The following PDE9A variants were observed in gnomAD, a reference collection of about 807,000 sequenced individuals.
The protein encoded by PDE9A is phosphodiesterase 9A.
Under a neutral mutation model 87.4 loss-of-function variants are expected in PDE9A, and 60 were observed. That is an observed-to-expected ratio of 0.69 (90% CI 0.56 to 0.85). The LOEUF (loss-of-function observed/expected upper bound fraction) is 0.85. Among genes scored for constraint, PDE9A ranks in the 40% least tolerant of loss-of-function variants. The pLI is 0.00. For synonymous variants in PDE9A, 272 were observed against 279.4 expected (o/e 0.97, Z 0.27); for missense variants, 665 against 779.0 (o/e 0.85, Z 1.74).
rs573599045 is a variant in PDE9A, at chr21:42,742,591, G to A, written c.569-1185G>A. Among the ~76,000 whole-genome samples the A allele has an allele frequency of 2.0e-5, 3 of 147,264 alleles. No individual in the cohort carries two copies. The South Asian group carries it at 6.6e-4, about 32-fold the overall frequency. On this transcript the variant is annotated intron_variant, in intron 7 of 19. Transcript: ENST00000291539. The stretch of plus-strand genomic sequence containing the variant: ...AGCTATTCTCCTGCCTCAGCCTCCC[G>A]AGTAGCTGGGACTACAGGCACTGGC...
chr21:42,706,020 C>T (rs8130322), intron 4 of PDE9A, among the ~76,000 whole-genome samples: 39,533 of 152,176 alleles, frequency 0.26, 5,508 homozygotes, highest in East Asian at 0.51. Flanking sequence ...CCGCAGAGTG[C>T]GTGCTTGAGC....
chr21:42,694,987 TC>T lies in PDE9A; in HGVS notation c.219-3977del, dbSNP rs2060063909. ...CCTCTGCACACTGCCAATCTTCCTG[TC>T]CCCGCCCCAAATCCAAAGGCCCCTC... On this transcript the variant is annotated intron_variant, in intron 3 of 19. Coordinates refer to ENST00000291539, the MANE Select transcript of PDE9A (RefSeq NM_002606.3). This position sits in a 1 kb window ranked among gnomAD's most constrained non-coding sequence, Gnocchi z 5.3. Among the ~76,000 whole-genome samples the T allele has an allele frequency of 6.6e-6, 1 of 152,044 alleles. No individual in the cohort carries two copies. Among genetic ancestry groups the T allele is most frequent in the Admixed American group, 6.5e-5 (1 of 15,276 alleles).
chr21:42,687,974 C>A lies in PDE9A; in HGVS notation c.198C>A (p.Thr66=). 2 of 1,613,108 alleles carry A rather than the reference C, an allele frequency of 1.2e-6. No homozygotes were observed. Among genetic ancestry groups the A allele is most frequent in the South Asian group, 1.1e-5 (1 of 91,084 alleles). Residue 66 remains threonine, a synonymous_variant, in exon 3 of 20, where the codon ACC becomes ACA. Transcript: ENST00000291539. ...TDDAMVSIDP[T]MPANSERTPY... is the part of the protein sequence containing the mutation. ...ACGCCATGGTCTCCATCGACCCCAC[C>A]ATGCCCGCGAATTCAGAACGGTAAG... is the stretch of plus-strand genomic sequence containing the variant.
intron 15 of PDE9A, among the ~76,000 whole-genome samples, chr21:42,766,021 C>A (rs2056364037): frequency 6.6e-6 from 1 of 152,192 alleles, no homozygotes. Flanking sequence ...TTGGAAAGGA[C>A]AGGCACTGGG....
intron 1 of PDE9A, among the ~76,000 whole-genome samples, chr21:42,680,071 C>A (rs935882507): frequency 6.6e-6 from 1 of 152,210 alleles, no homozygotes; most frequent in African/African-American, 2.4e-5. Flanking sequence ...CCTGGGCTCT[C>A]GCAGCCTGCA....
In PDE9A at chr21:42,769,380, TACACAGGC is replaced by T. The variant is rs1245042990; in HGVS notation, c.1590+231_1590+238del. ...ACAGGCACACACTTGTGCACACAGG[TACACAGGC>T]ACACAAATGCACACACACGGCACAC... On this transcript the variant is annotated intron_variant, in intron 17 of 19. Coordinates refer to ENST00000291539, the MANE Select transcript of PDE9A (RefSeq NM_002606.3). Among the ~76,000 whole-genome samples, 16 of 126,036 alleles carry T rather than the reference TACACAGGC, an allele frequency of 1.3e-4. No homozygotes were observed. The South Asian group carries it at 1.4e-3, about 11-fold the overall frequency. 82.7% of individuals were successfully genotyped at this position (126,036 alleles called of 152,430 possible).
chr21:42,760,511 C>T lies in PDE9A; in HGVS notation c.1002+79C>T, dbSNP rs947108808. On this transcript the variant is annotated intron_variant, in intron 12 of 19. Coordinates refer to ENST00000291539, the MANE Select transcript of PDE9A (RefSeq NM_002606.3). This position sits in a 1 kb window ranked among gnomAD's most constrained non-coding sequence, Gnocchi z 5.2. ...GCCCCCTTCCAGGGAGCGGCAGCCC[C>T]ATCCCACCAAGAGAGCCACAGGCGT... 1 of 889,166 alleles carries T rather than the reference C, an allele frequency of 1.1e-6. No individual in the cohort carries two copies. Among genetic ancestry groups the T allele is most frequent in the Non-Finnish European group, 1.8e-6 (1 of 560,782 alleles). 55.1% of individuals were successfully genotyped at this position (889,166 alleles called of 1,614,324 possible).
At chr21:42,726,625 T>TATATATATA (rs1555925485) in intron 4 of PDE9A, among the ~76,000 whole-genome samples, 3 of 14,506 alleles carry the variant, frequency 2.1e-4, no homozygotes, top group Admixed American at 7.0e-4. Context: ...TATATATATA[T>TATATATATA]TTTTTTTTTT....
At position 42,704,214 on chromosome 21, in the gene PDE9A, G is replaced by A. The variant is rs899730473; in HGVS notation, c.262+5203G>A. On this transcript the variant is annotated intron_variant, in intron 4 of 19. Coordinates refer to ENST00000291539, the MANE Select transcript of PDE9A (RefSeq NM_002606.3). The surrounding 1 kb of genome is among the most constrained non-coding windows in gnomAD (Gnocchi z 5.3). ...CTCCGGGCCAGCCGAGGAGCGCTGC[G>A]CTTATTCCGCAGTGAGGAGTCGCTG... Among the ~76,000 whole-genome samples the A allele has an allele frequency of 2.0e-5, 3 of 152,306 alleles. No homozygotes were observed. The highest frequency in any genetic ancestry group is 2.1e-4 in the South Asian group (1 of 4,822).
At chr21:42,738,515 G>A (rs1374465040) in intron 7 of PDE9A, among the ~76,000 whole-genome samples, 3 of 151,832 alleles carry the variant, frequency 2.0e-5, no homozygotes, top group East Asian at 1.9e-4. Flanking sequence ...CCCCCAGCTC[G>A]GCTCTCCCCA....
chr21:42,672,128 A>T lies in PDE9A; in HGVS notation c.70-14064A>T, dbSNP rs374007148. Among the ~76,000 whole-genome samples, 35 of 152,368 alleles carry T rather than the reference A, an allele frequency of 2.3e-4. No individual in the cohort carries two copies. In the South Asian group the frequency reaches 7.2e-3, roughly 32 times the overall value. On this transcript the variant is annotated intron_variant, in intron 1 of 19. Transcript: ENST00000291539. ...TTTAGAGGAGCCTAAATCAATATTTATTCTGAGTATGCAATCAGAAATATC... is the reference window on the plus strand; with the variant it reads ...TTTAGAGGAGCCTAAATCAATATTTTTTCTGAGTATGCAATCAGAAATATC...
chr21:42,663,681 A>G (rs1001318952), intron 1 of PDE9A, among the ~76,000 whole-genome samples: 2 of 152,108 alleles, frequency 1.3e-5, no homozygotes, highest in African/African-American at 4.8e-5. Flanking sequence ...CACTTGCAGC[A>G]GTATGTCCTC....
intron 1 of PDE9A, among the ~76,000 whole-genome samples, chr21:42,676,565 A>G (rs2058854286): frequency 6.6e-6 from 1 of 152,202 alleles, no homozygotes; most frequent in Non-Finnish European, 1.5e-5. Flanking sequence ...TCCAACTGGC[A>G]TCATTCCCTT....
intron 1 of PDE9A, among the ~76,000 whole-genome samples, chr21:42,666,959 TC>T (rs1233879758): frequency 6.6e-6 from 1 of 152,064 alleles, no homozygotes; most frequent in Non-Finnish European, 1.5e-5. Flanking sequence ...GGCACCAAGG[TC>T]CCGCGCCTGG....
intron 4 of PDE9A, chr21:42,700,753 A>G (rs780133736): frequency 1.3e-5 from 2 of 152,182 alleles, no homozygotes; most frequent in Non-Finnish European, 2.9e-5. Flanking sequence ...CTGAATTACC[A>G]TGACACCTTT....
chr21:42,703,554 G>A (rs994376555), intron 4 of PDE9A, among the ~76,000 whole-genome samples: 8 of 152,238 alleles, frequency 5.3e-5, no homozygotes, highest in African/African-American at 1.2e-4. Context: ...GAAGAGCATC[G>A]CTGGGAGCAG....
At chr21:42,672,967 C>T (rs771574467) in intron 1 of PDE9A, among the ~76,000 whole-genome samples, 6 of 152,206 alleles carry the variant, frequency 3.9e-5, no homozygotes, top group African/African-American at 7.2e-5. Context: ...CTTGGTGCTA[C>T]TTGCTTGCGA....
rs1418636485 is a variant in PDE9A, at chr21:42,698,949, A to G, written c.219-19A>G. ...GCGCCTTGCAGAGTCTCACAGCGGC[A>G]CTGTCTTCTCTTTTGCAGCACTCCG... On this transcript the variant is annotated intron_variant, in intron 3 of 19. Coordinates refer to ENST00000291539, the MANE Select transcript of PDE9A (RefSeq NM_002606.3). 2.6e-5 allele frequency: 42 copies of G among 1,606,092 alleles called. No homozygotes were observed. Among genetic ancestry groups the G allele is most frequent in the Non-Finnish European group, 3.6e-5 (42 of 1,173,188 alleles).
chr21:42,716,747 CTTTT>C (rs60104683), intron 4 of PDE9A, among the ~76,000 whole-genome samples: 12 of 94,264 alleles, frequency 1.3e-4, no homozygotes, highest in African/African-American at 5.0e-4. Flanking sequence ...TTATAATTTC[CTTTT>C]TTTTTTTTTT....
Sources: gnomAD v4.1 joint callset for allele counts (sites outside exome capture counted in the v4.1 genomes callset) on GRCh38, gnomAD v4.1.1 for gene constraint, Gnocchi (gnomAD v3.1) non-coding constraint, MANE v1.5 for transcripts, NCBI Gene and HGNC (gene_info 2026-07-23, HGNC 2026-07-21) for gene names.